Variants in HNRNPD observed in about 807,000 individuals in gnomAD.
HNRNPD encodes heterogeneous nuclear ribonucleoprotein D0.
In HNRNPD, 3 loss-of-function variants were observed where a neutral mutation model predicts 47.9. That is an observed-to-expected ratio of 0.06 (90% CI 0.03 to 0.16). HNRNPD has a LOEUF of 0.16. Among genes scored for constraint, HNRNPD ranks in the 10% least tolerant of loss-of-function variants. The probability of loss-of-function intolerance (pLI) is 1.00; values close to 1 mark genes in which losing one functional copy is unlikely to be tolerated. For missense variants in HNRNPD, 287 were observed against 454.2 expected (o/e 0.63, Z 3.35); for synonymous variants, 171 against 165.1 (o/e 1.04, Z -0.28).
chr4:82,361,394 T>C (rs1327628909), intron 2 of HNRNPD, among the ~76,000 whole-genome samples: 1 of 152,222 alleles, frequency 6.6e-6, no homozygotes, highest in African/African-American at 2.4e-5. Flanking sequence ...AAGATGACCA[T>C]AAGTTCCACA....
At chr4:82,371,473 C>T (rs1720045056) in intron 2 of HNRNPD, 55 bp downstream of exon 2, 1 of 1,375,860 alleles carries the variant, frequency 7.3e-7, no homozygotes, top group Admixed American at 1.9e-5. Flanking sequence ...ACAGCCTCTA[C>T]ATATTATGAC....
At chr4:82,373,018 C>T (rs1720144727) in intron 1 of HNRNPD, 5 of 401,000 alleles carry the variant, frequency 1.2e-5, no homozygotes, top group Non-Finnish European at 2.5e-5. Context: ...CCAAATAAAC[C>T]TTAGTAATAC....
intron 2 of HNRNPD, among the ~76,000 whole-genome samples, chr4:82,365,567 T>C (rs1384514629): frequency 6.6e-6 from 1 of 151,990 alleles, no homozygotes; most frequent in Non-Finnish European, 1.5e-5. Context: ...CGAGTTCAAA[T>C]ACTAACCAGC....
intron 2 of HNRNPD, among the ~76,000 whole-genome samples, 155 bp from the exon 3 acceptor site, chr4:82,359,794 T>C (rs972267846): frequency 7.9e-5 from 12 of 152,156 alleles, no homozygotes; most frequent in Non-Finnish European, 1.2e-4. Context: ...GAACATCCTA[T>C]TCCAAAAAGC....
chr4:82,372,100 C>A (rs1720073839), intron 1 of HNRNPD, among the ~76,000 whole-genome samples: 1 of 151,832 alleles, frequency 6.6e-6, no homozygotes, highest in Non-Finnish European at 1.5e-5. Context: ...TAGATTAAAG[C>A]GACATCTTGT....
chr4:82,356,898 A>G lies in HNRNPD; in HGVS notation c.754-3T>C, dbSNP rs1723734583. 6.2e-7 allele frequency: 1 copy of G among 1,607,560 alleles called. No homozygotes were observed. The highest frequency in any genetic ancestry group is 8.5e-7 in the Non-Finnish European group (1 of 1,174,240). ...GACATGGCTACTTTTATTTCACACT[A>G]AAAGAGAAAAATTACATTATTAAAC... On this transcript the variant is annotated splice_polypyrimidine_tract_variant and splice_region_variant and intron_variant, in intron 5 of 8. Transcript: ENST00000313899.
At chr4:82,369,006 A>G (rs1719897772) in intron 2 of HNRNPD, among the ~76,000 whole-genome samples, 1 of 152,202 alleles carries the variant, frequency 6.6e-6, no homozygotes, top group African/African-American at 2.4e-5. Context: ...GGCTAAGTGA[A>G]TGGGGGGACT....
At chr4:82,363,032 A>ATATG (rs1553895786) in intron 2 of HNRNPD, among the ~76,000 whole-genome samples, 1 of 148,932 alleles carries the variant, frequency 6.7e-6, no homozygotes, top group Middle Eastern at 3.2e-3. Flanking sequence ...TTATATATAT[A>ATATG]TGTGTGTGTG....
chr4:82,373,829 C>T lies in HNRNPD; in HGVS notation c.-151G>A, dbSNP rs1720281906. ...GAAGGCGCGCGCGTGGCTGCAAAGGCTCCTGCGCCTCTCCCTGGCCTGCCC... is the reference window on the plus strand; with the variant it reads ...GAAGGCGCGCGCGTGGCTGCAAAGGTTCCTGCGCCTCTCCCTGGCCTGCCC... On this transcript the variant is annotated 5_prime_UTR_variant, in exon 1 of 9. Transcript: ENST00000313899. The T allele has an allele frequency of 1.4e-6, 2 of 1,468,804 alleles. No homozygotes were observed. Among genetic ancestry groups the T allele is most frequent in the Non-Finnish European group, 1.8e-6 (2 of 1,109,044 alleles). The allele number at this position is 1,468,804 out of a possible 1,614,324, so 91.0% of individuals were successfully genotyped here.
In HNRNPD at chr4:82,355,337, G is replaced by A; in HGVS notation, c.1065C>T (p.Tyr355=). ...GATAAGTTGCAAATGGAATAATTTA[G>A]TATGGTTTGTAGCTATTTTGATGAC... ...RGGHQNSYKP[Y] The change falls in exon 8 of 9, where the codon TAC becomes TAT. Residue 355 remains tyrosine (Y), a synonymous_variant. Coordinates refer to ENST00000313899, the MANE Select transcript of HNRNPD (RefSeq NM_031370.3). 2.5e-6 allele frequency: 4 copies of A among 1,611,156 alleles called. No individual in the cohort carries two copies. Among genetic ancestry groups the A allele is most frequent in the Non-Finnish European group, 3.4e-6 (4 of 1,177,382 alleles).
intron 2 of HNRNPD, among the ~76,000 whole-genome samples, chr4:82,366,666 A>G (rs1335805633): frequency 6.6e-6 from 1 of 152,064 alleles, no homozygotes; most frequent in Admixed American, 6.5e-5. Flanking sequence ...TCCAGGGTTC[A>G]AGTGATTCTC....
Position 82,373,977 on chromosome 4 carries a change from C to T in HNRNPD, c.-299G>A. On this transcript the variant is annotated 5_prime_UTR_variant, in exon 1 of 9. The change creates a new upstream start codon in the 5' untranslated region. Coordinates refer to ENST00000313899, the MANE Select transcript of HNRNPD (RefSeq NM_031370.3). The stretch of plus-strand genomic sequence containing the variant: ...GCTTTAATGGCGCCGCCGCGGACCA[C>T]CTAAAATGGCCGACGGAAGAACGGC... 1 of 626,228 alleles carries T rather than the reference C, an allele frequency of 1.6e-6. No homozygotes were observed. Among genetic ancestry groups the T allele is most frequent in the Non-Finnish European group, 2.6e-6 (1 of 388,930 alleles). 38.8% of individuals were successfully genotyped at this position (626,228 alleles called of 1,614,324 possible). A position where few individuals can be genotyped will look rare whatever the true frequency, so the allele number is the denominator to read the frequency against.
intron 2 of HNRNPD, among the ~76,000 whole-genome samples, chr4:82,364,283 T>C (rs1369820809): frequency 1.3e-5 from 2 of 152,194 alleles, no homozygotes; most frequent in Non-Finnish European, 2.9e-5. Context: ...CTCTTACTAA[T>C]TGTGTAACAT....
At chr4:82,366,539 C>T (rs1206879119) in intron 2 of HNRNPD, among the ~76,000 whole-genome samples, 3 of 151,656 alleles carry the variant, frequency 2.0e-5, no homozygotes, top group Non-Finnish European at 1.5e-5. Context: ...CCACCGCGCC[C>T]GGCCAACATG....
In HNRNPD at chr4:82,356,840, C is replaced by A; in HGVS notation, c.809G>T (p.Gly270Val). The A allele has an allele frequency of 6.2e-7, 1 of 1,614,154 alleles. No homozygotes were observed. The highest frequency in any genetic ancestry group is 8.5e-7 in the Non-Finnish European group (1 of 1,179,992). The stretch of plus-strand genomic sequence containing the variant: ...TCTTCCTGCAAATCCTCCTCTAGAT[C>A]CCCACTGTTGCTGTTGCTGATATTG... The part of the protein sequence containing the change: ...KEQYQQQQQW[G>V]SRGGFAGRAR... The change falls in exon 6 of 9, where the codon GGA (glycine) becomes GTA (valine). Residue 270 changes from glycine to valine, a missense_variant. Physicochemically the swap from Gly to Val is moderately radical, Grantham distance 109. Transcript: ENST00000313899.
chr4:82,368,904 A>G (rs2110001524), intron 2 of HNRNPD, among the ~76,000 whole-genome samples: 1 of 152,334 alleles, frequency 6.6e-6, no homozygotes, highest in Non-Finnish European at 1.5e-5. Context: ...AGAATTCCCA[A>G]ATGGGAAGAA....
chr4:82,357,299 G>A lies in HNRNPD; in HGVS notation c.753+14C>T, dbSNP rs1723756952. 1 of 1,600,262 alleles carries A rather than the reference G, an allele frequency of 6.2e-7. No homozygotes were observed. The highest frequency in any genetic ancestry group is 8.5e-7 in the Non-Finnish European group (1 of 1,174,846). ...AGCTAGTTTTCTCTACAAGTAAATG[G>A]ATGCTTAACTTACTTTACTAAGACC... On this transcript the variant is annotated intron_variant, in intron 5 of 8. Coordinates refer to ENST00000313899, the MANE Select transcript of HNRNPD (RefSeq NM_031370.3).
chr4:82,358,452 C>G (rs750695946), intron 4 of HNRNPD: 23 of 487,228 alleles, frequency 4.7e-5, no homozygotes, highest in Non-Finnish European at 6.5e-5. Flanking sequence ...CAGCAATACT[C>G]TGCATAGAGT....
chr4:82,358,868 G>T, intron 3 of HNRNPD, 48 bp from the exon 4 acceptor site: 1 of 1,334,906 alleles, frequency 7.5e-7, no homozygotes, highest in Non-Finnish European at 1.0e-6. Context: ...CTTAACTGAA[G>T]TTCAGAGACT....
Sources: gnomAD v4.1 joint callset for allele counts (sites outside exome capture counted in the v4.1 genomes callset) on GRCh38, gnomAD v4.1.1 for gene constraint, MANE v1.5 for transcripts, NCBI Gene and HGNC (gene_info 2026-07-23, HGNC 2026-07-21) for gene names.